The following CPXM2 variants were observed in gnomAD, a reference collection of about 807,000 sequenced individuals.
CPXM2 encodes inactive carboxypeptidase-like protein X2.
In CPXM2, 66 loss-of-function variants were observed where a neutral mutation model predicts 86.1. That is an observed-to-expected ratio of 0.77 (90% CI 0.63 to 0.94). CPXM2 has a LOEUF of 0.94. CPXM2 is among the 40% of genes least tolerant of loss of function. The pLI is 0.00. For missense variants in CPXM2, 948 were observed against 1,026.3 expected (o/e 0.92, Z 1.04); for synonymous variants, 388 against 400.2 (o/e 0.97, Z 0.36).
Position 123,775,853 on chromosome 10 carries a change from G to C in CPXM2, c.978+4314C>G, listed in dbSNP as rs59500425. 2.3e-3 allele frequency among the ~76,000 whole-genome samples: 350 copies of C among 152,310 alleles called. 9 individuals carry two copies. The East Asian group carries it at 0.05, about 22-fold the overall frequency. On this transcript the variant is annotated intron_variant, in intron 7 of 13. Coordinates refer to ENST00000241305, the MANE Select transcript of CPXM2 (RefSeq NM_198148.3). ...GCTACCAGCACCATCAAAGACACGG[G>C]TGGTGGCCACTCTGCTCTTCTGAGC...
At chr10:123,811,084 G>GA (rs1350751009) in intron 4 of CPXM2, among the ~76,000 whole-genome samples, 1 of 150,540 alleles carries the variant, frequency 6.6e-6, no homozygotes, top group African/African-American at 2.4e-5. Flanking sequence ...TATTAATATA[G>GA]AAAAAAACTA....
intron 2 of CPXM2, among the ~76,000 whole-genome samples, chr10:123,916,932 C>T (rs185856194): frequency 6.6e-6 from 1 of 152,214 alleles, no homozygotes; most frequent in East Asian, 1.9e-4. Flanking sequence ...CACATGCCAC[C>T]ACGCCCAGCT....
chr10:123,792,158 C>T (rs1847219580), intron 6 of CPXM2, among the ~76,000 whole-genome samples: 1 of 152,196 alleles, frequency 6.6e-6, no homozygotes, highest in African/African-American at 2.4e-5. Context: ...TATCTTCTCA[C>T]ATCCACTCAC....
intron 2 of CPXM2, among the ~76,000 whole-genome samples, chr10:123,911,606 G>C (rs1945488728): frequency 1.3e-5 from 2 of 152,012 alleles, no homozygotes; most frequent in Admixed American, 1.3e-4. Flanking sequence ...AAGAAACTCA[G>C]AGATGAGAGA....
At position 123,890,135 on chromosome 10, in the gene CPXM2, C is replaced by T. The variant is rs115330398; in HGVS notation, c.304+1221G>A. 1.8e-3 allele frequency among the ~76,000 whole-genome samples: 281 copies of T among 152,252 alleles called. 1 individual carries two copies. The highest frequency in any genetic ancestry group is 6.7e-3 in the African/African-American group (277 of 41,548). On this transcript the variant is annotated intron_variant, in intron 1 of 13. Coordinates refer to ENST00000241305, the MANE Select transcript of CPXM2 (RefSeq NM_198148.3). ...ATAAAGTTTCTAATGGAGTCACAGT[C>T]GACATTCTACAAATATAAGTCTCTT...
chr10:123,880,152 C>T lies in CPXM2; in HGVS notation c.403+59G>A, dbSNP rs1210381758. 3.2e-6 allele frequency: 1 copy of T among 313,410 alleles called. No individual in the cohort carries two copies. The highest frequency in any genetic ancestry group is 6.3e-6 in the Non-Finnish European group (1 of 159,304). 19.4% of individuals were successfully genotyped at this position (313,410 alleles called of 1,614,324 possible). A position where few individuals can be genotyped will look rare whatever the true frequency, so the allele number is the denominator to read the frequency against. On this transcript the variant is annotated intron_variant, in intron 2 of 13. Coordinates refer to ENST00000241305, the MANE Select transcript of CPXM2 (RefSeq NM_198148.3). ...TGCTGCACCAGGGGCCTGTACCCAC[C>T]CACCCTCCCTGAACAGGGCCTAGGA...
intron 4 of CPXM2, among the ~76,000 whole-genome samples, chr10:123,813,596 A>G (rs1370436090): frequency 3.3e-5 from 5 of 152,232 alleles, no homozygotes; most frequent in Non-Finnish European, 5.9e-5. Context: ...CATCACTTGC[A>G]TATAATCTCC....
At chr10:123,914,646 G>A (rs1945520158) in intron 2 of CPXM2, among the ~76,000 whole-genome samples, 1 of 152,090 alleles carries the variant, frequency 6.6e-6, no homozygotes, top group South Asian at 2.1e-4. Context: ...CTGGCACCCG[G>A]GCCCTAAATG....
At chr10:123,883,499 C>T (rs553551969) in intron 1 of CPXM2, among the ~76,000 whole-genome samples, 1 of 152,258 alleles carries the variant, frequency 6.6e-6, no homozygotes, top group Non-Finnish European at 1.5e-5. Flanking sequence ...AACAAAAATG[C>T]TGCCTGATGG....
chr10:123,858,127 A>T (rs1224192002), intron 3 of CPXM2, among the ~76,000 whole-genome samples: 1 of 152,250 alleles, frequency 6.6e-6, no homozygotes, highest in African/African-American at 2.4e-5. Context: ...CTTCTGTGTC[A>T]TAATGACATC....
intron 4 of CPXM2, among the ~76,000 whole-genome samples, chr10:123,818,064 G>A (rs376627959): frequency 6.6e-6 from 1 of 152,182 alleles, no homozygotes; most frequent in Admixed American, 6.5e-5. Context: ...AAGAAATTTC[G>A]GGAGGAGGTA....
chr10:123,755,476 A>G (rs770714924), intron 12 of CPXM2, among the ~76,000 whole-genome samples: 1 of 152,242 alleles, frequency 6.6e-6, no homozygotes, highest in Non-Finnish European at 1.5e-5. Flanking sequence ...CTTGCACCAG[A>G]AAGTCTTCCA....
chr10:123,851,402 T>C (rs980893437), intron 3 of CPXM2, among the ~76,000 whole-genome samples: 3 of 152,200 alleles, frequency 2.0e-5, no homozygotes, highest in African/African-American at 7.2e-5. Context: ...ACCACAGTAT[T>C]GAATTGTGTT....
At chr10:123,920,331 A>G (rs1428971703) in intron 2 of CPXM2, among the ~76,000 whole-genome samples, 1 of 152,238 alleles carries the variant, frequency 6.6e-6, no homozygotes, top group African/African-American at 2.4e-5. Flanking sequence ...ATTCAGATGA[A>G]GGAAAACTAA....
At chr10:123,880,146 A>ACCCCCCCCCCCCCCC in intron 2 of CPXM2, 65 bp downstream of exon 2, 2 of 240,424 alleles carry the variant, frequency 8.3e-6, no homozygotes, top group Non-Finnish European at 1.7e-5. Flanking sequence ...AGGGGCCTGT[A>ACCCCCCCCCCCCCCC]CCCACCCACC....
intron 6 of CPXM2, among the ~76,000 whole-genome samples, chr10:123,790,763 C>G (rs1394628122): frequency 6.6e-6 from 1 of 152,056 alleles, no homozygotes; most frequent in Admixed American, 6.5e-5. Context: ...ATCTCAGATT[C>G]CCAAGAGTCT....
intron 2 of CPXM2, among the ~76,000 whole-genome samples, chr10:123,935,494 T>G (rs575506346): frequency 2.6e-5 from 4 of 152,154 alleles, no homozygotes; most frequent in African/African-American, 9.7e-5. Flanking sequence ...ACTTTGCCCT[T>G]GCCAGAATGG....
chr10:123,867,244 G>C (rs1944806409), intron 2 of CPXM2, among the ~76,000 whole-genome samples: 1 of 152,196 alleles, frequency 6.6e-6, no homozygotes, highest in Admixed American at 6.5e-5. Flanking sequence ...CCCAGGAAAA[G>C]TTCCCAAGCC....
At chr10:123,847,342 C>T (rs563744591) in intron 3 of CPXM2, among the ~76,000 whole-genome samples, 5 of 152,266 alleles carry the variant, frequency 3.3e-5, no homozygotes, top group African/African-American at 4.8e-5. Flanking sequence ...CTGGCCAACA[C>T]GGTGAAACCT....
Sources: allele counts gnomAD v4.1 joint callset (sites outside exome capture counted in the v4.1 genomes callset), GRCh38; gene constraint gnomAD v4.1.1; transcripts MANE v1.5; gene names NCBI Gene and HGNC (gene_info 2026-07-23, HGNC 2026-07-21).